RS1: variants seen among roughly 807,000 people sequenced by gnomAD.
RS1 encodes retinoschisin 1, also known as retinoschisin.
In RS1, 2 loss-of-function variants were observed where a neutral mutation model predicts 20.8. The ratio of observed to expected loss-of-function variants is 0.10; its 90% CI spans 0.04 to 0.30. RS1 has a LOEUF of 0.30. RS1 is among the 10% of genes least tolerant of loss of function. The probability of loss-of-function intolerance (pLI) is 1.00; values close to 1 mark genes in which losing one functional copy is unlikely to be tolerated. For missense variants in RS1, 151 were observed against 189.8 expected, an observed-to-expected ratio of 0.80 and a Z score of 1.20; for synonymous variants, 70 against 75.8, an observed-to-expected ratio of 0.92 and a Z score of 0.40.
At chrX:18,649,977 C>CCCG (rs772202551) in intron 3 of RS1, 2 of 188,937 alleles carry the variant, frequency 1.1e-5, no homozygotes, top group East Asian at 1.3e-4. Flanking sequence ...TCCACCCCCA[C>CCCG]CCGCCGCCGC....
chrX:18,652,394 T>C (rs1326485662), intron 3 of RS1, among the ~76,000 whole-genome samples: 8 of 112,061 alleles, frequency 7.1e-5, no homozygotes, highest in Non-Finnish European at 1.1e-4. Flanking sequence ...CAAGGCTGGG[T>C]GCAGTGGCTC....
chrX:18,646,037 A>G (rs149345562), intron 4 of RS1: 1 of 1,210,175 alleles, frequency 8.3e-7, no homozygotes, highest in African/African-American at 1.7e-5. Flanking sequence ...AGACAGAGAC[A>G]CCATTCTGGA....
At chrX:18,649,575 T>C (rs1455253456) in intron 3 of RS1, among the ~76,000 whole-genome samples, 2 of 111,655 alleles carry the variant, frequency 1.8e-5, no homozygotes. Context: ...CTGATCTCAC[T>C]AGTATCTGCA....
intron 5 of RS1, among the ~76,000 whole-genome samples, chrX:18,643,829 A>AAT (rs755520723): frequency 0.04 from 4,216 of 105,694 alleles, 132 homozygotes; most frequent in African/African-American, 0.11. Context: ...ATTCATAGCA[A>AAT]ATATATATAT....
chrX:18,651,120 T>TC (rs113384176), intron 3 of RS1, among the ~76,000 whole-genome samples: 1 of 90,576 alleles, frequency 1.1e-5, no homozygotes, highest in Non-Finnish European at 2.2e-5. Context: ...ACCCTCCCCG[T>TC]CCCCCCACCA....
At chrX:18,650,639 C>T (rs368135097) in intron 3 of RS1, 31 of 1,161,011 alleles carry the variant, frequency 2.7e-5, no homozygotes, top group Admixed American at 4.4e-5. Flanking sequence ...GGCTGTACCT[C>T]GGAATTGCCC....
chrX:18,651,126 C>T (rs866314165), intron 3 of RS1, among the ~76,000 whole-genome samples: 2 of 103,860 alleles, frequency 1.9e-5, no homozygotes, highest in Admixed American at 2.1e-4. Context: ...CCCGTCCCCC[C>T]ACCACCGCAC....
chrX:18,671,233 C>T (rs755811345), intron 1 of RS1, among the ~76,000 whole-genome samples: 7 of 112,028 alleles, frequency 6.2e-5, no homozygotes, highest in Admixed American at 1.9e-4. Flanking sequence ...CACAAATACA[C>T]GATGTCCACA....
chrX:18,653,648 C>T, intron 3 of RS1: 1 of 1,060,977 alleles, frequency 9.4e-7, no homozygotes, highest in East Asian at 3.3e-5. Context: ...TTGAGTTTTC[C>T]TTTCTGAAAA....
Position 18,666,986 on chromosome X carries a change from C to A in RS1, c.52+5031G>T, listed in dbSNP as rs567697332. ...CTAGGGGACACCCCAGTGTTGAAAT[C>A]GAGCTGGCAGCCAGACAGATGCTTC... On this transcript the variant is annotated intron_variant, in intron 1 of 5. Transcript: ENST00000379984. Among the ~76,000 whole-genome samples the A allele has an allele frequency of 6.3e-4, 70 of 111,505 alleles. 2 individuals carry two copies. The South Asian group carries it at 0.025, about 39-fold the overall frequency.
chrX:18,644,699 T>TC, intron 4 of RS1, 74 bp from the exon 5 acceptor site: 1 of 1,050,061 alleles, frequency 9.5e-7, no homozygotes, highest in Non-Finnish European at 1.3e-6. Flanking sequence ...GTGCTGGCTC[T>TC]CGAGGGGATG....
chrX:18,661,773 G>A lies in RS1; in HGVS notation c.53-4108C>T, dbSNP rs892040296. ...GCCGGCGTCTATCGTGCGCTCTTCC[G>A]CCGGCGCACTCCTCTCAACGCCTTC... On this transcript the variant is annotated intron_variant, in intron 1 of 5. Transcript: ENST00000379984. 3.6e-5 allele frequency among the ~76,000 whole-genome samples: 4 copies of A among 111,985 alleles called. No homozygotes were observed. The East Asian group carries it at 1.1e-3, about 31-fold the overall frequency.
At chrX:18,665,041 TGAG>T (rs1928381774) in intron 1 of RS1, among the ~76,000 whole-genome samples, 1 of 112,130 alleles carries the variant, frequency 8.9e-6, no homozygotes, top group Non-Finnish European at 1.9e-5. Flanking sequence ...TCTTATCTCC[TGAG>T]TGGCTTCGCC....
Position 18,644,606 on chromosome X carries a change from A to G in RS1, c.346T>C (p.Phe116Leu). Residue 116 changes from phenylalanine (F) to leucine (L), a missense_variant, in exon 5 of 6, where the codon TTC (phenylalanine) becomes CTC (leucine). Transcript: ENST00000379984. ...QGFGCAWLSK[F>L]QDSSQWLQID... ...TGTAACCACTGGCTACTGTCCTGGA[A>G]CTTGGAGAGCCAGGCACACCTGCCG... 1 of 1,210,917 alleles carries G rather than the reference A, an allele frequency of 8.3e-7. No individual in the cohort carries two copies.
chrX:18,670,143 C>T (rs1453331992), intron 1 of RS1, among the ~76,000 whole-genome samples: 3 of 109,898 alleles, frequency 2.7e-5, no homozygotes, highest in African/African-American at 6.6e-5. Flanking sequence ...TTCTTCGCAT[C>T]GCGGGGGTGG....
chrX:18,651,262 TGTGAGA>T (rs1441835154), intron 3 of RS1, among the ~76,000 whole-genome samples: 27 of 77,735 alleles, frequency 3.5e-4, no homozygotes, highest in African/African-American at 1.1e-3. Flanking sequence ...TGTGTGTGTG[TGTGAGA>T]GAGAGAGAGA....
intron 1 of RS1, among the ~76,000 whole-genome samples, chrX:18,662,030 C>G (rs974281593): frequency 1.8e-5 from 2 of 110,616 alleles, no homozygotes; most frequent in Non-Finnish European, 3.8e-5. Flanking sequence ...GGACCACGCG[C>G]TGCCCCCCTC....
intron 1 of RS1, among the ~76,000 whole-genome samples, chrX:18,666,355 G>A (rs977387940): frequency 1.8e-5 from 2 of 111,741 alleles, no homozygotes; most frequent in Non-Finnish European, 3.8e-5. Context: ...ACACCTGTGG[G>A]CAAAGCATTC....
In RS1 at chrX:18,655,703, G is replaced by A. The variant is rs774357118; in HGVS notation, c.184+950C>T. Reference sequence around the variant, plus strand: ...AGCCCTTCAGTGCCATTTTCAAAGTGGCCTGCTCACCTTGGCTGTAGCTGT... The same window carrying A: ...AGCCCTTCAGTGCCATTTTCAAAGTAGCCTGCTCACCTTGGCTGTAGCTGT... On this transcript the variant is annotated intron_variant, in intron 3 of 5. Coordinates refer to ENST00000379984, the MANE Select transcript of RS1 (RefSeq NM_000330.4). Among the ~76,000 whole-genome samples, 3 of 111,557 alleles carry A rather than the reference G, an allele frequency of 2.7e-5. No individual in the cohort carries two copies. In the Admixed American group the frequency reaches 2.9e-4, roughly 11 times the overall value.
Sources: gnomAD v4.1 joint callset for allele counts (sites outside exome capture counted in the v4.1 genomes callset) on GRCh38, gnomAD v4.1.1 for gene constraint, MANE v1.5 for transcripts, NCBI Gene and HGNC (gene_info 2026-07-23, HGNC 2026-07-21) for gene names.